GRM7: variants seen among roughly 807,000 people sequenced by gnomAD.
GRM7 encodes glutamate metabotropic receptor 7.
A neutral mutation model predicts 84.5 loss-of-function variants in GRM7; 35 were observed. The observed-to-expected ratio is 0.41, with a 90% confidence interval of 0.32 to 0.55. The LOEUF is 0.55. Ranked by LOEUF, GRM7 falls within the 20% of genes least tolerant of loss-of-function variation. GRM7 has a pLI of 0.19. For synonymous variants in GRM7, 487 were observed against 455.1 expected (o/e 1.07, Z -0.89); for missense variants, 1,003 against 1,194.6 (o/e 0.84, Z 2.36).
intron 9 of GRM7, among the ~76,000 whole-genome samples, chr3:7,719,169 A>G (rs576931335): frequency 6.6e-6 from 1 of 152,284 alleles, no homozygotes; most frequent in South Asian, 2.1e-4. Flanking sequence ...TTTTCTCCCT[A>G]GTAACACAAC....
intron 4 of GRM7, among the ~76,000 whole-genome samples, chr3:7,346,270 A>G (rs921113176): frequency 6.6e-6 from 1 of 152,132 alleles, no homozygotes; most frequent in Non-Finnish European, 1.5e-5. Flanking sequence ...CAGCTCACCA[A>G]TTTGATGTGT....
At chr3:7,092,268 C>G (rs917513330) in intron 1 of GRM7, among the ~76,000 whole-genome samples, 1 of 152,154 alleles carries the variant, frequency 6.6e-6, no homozygotes, top group African/African-American at 2.4e-5. Context: ...GATTAGCTAT[C>G]TTCATGACAG....
chr3:7,311,905 C>G (rs1277647128), intron 4 of GRM7, among the ~76,000 whole-genome samples: 2 of 152,162 alleles, frequency 1.3e-5, no homozygotes, highest in African/African-American at 4.8e-5. Flanking sequence ...TCAACACATT[C>G]TTCTTTCACC....
At chr3:6,950,676 G>T (rs544192775) in intron 1 of GRM7, among the ~76,000 whole-genome samples, 2 of 152,322 alleles carry the variant, frequency 1.3e-5, no homozygotes, top group South Asian at 4.1e-4. Context: ...GAGGCAGGCA[G>T]GCCTCCTTGA....
chr3:7,657,115 G>A (rs1005242733), intron 8 of GRM7, among the ~76,000 whole-genome samples: 10 of 152,110 alleles, frequency 6.6e-5, no homozygotes, highest in South Asian at 2.1e-4. Context: ...CCACAATCCC[G>A]ATGTTCTTCA....
intron 2 of GRM7, among the ~76,000 whole-genome samples, chr3:7,257,884 A>G (rs1698266925): frequency 6.6e-6 from 1 of 152,138 alleles, no homozygotes; most frequent in African/African-American, 2.4e-5. Context: ...TTATAGGAAC[A>G]TGGGTGATTA....
intron 2 of GRM7, among the ~76,000 whole-genome samples, chr3:7,241,057 C>T (rs1425417692): frequency 1.3e-5 from 2 of 152,130 alleles, no homozygotes; most frequent in Non-Finnish European, 2.9e-5. Flanking sequence ...CCTCATGGTA[C>T]AGCACTCAGA....
At chr3:7,678,203 C>A (rs1218156147) in intron 8 of GRM7, among the ~76,000 whole-genome samples, 1 of 152,054 alleles carries the variant, frequency 6.6e-6, no homozygotes, top group Non-Finnish European at 1.5e-5. Context: ...TGCACATGTA[C>A]CCCTGAATCT....
chr3:7,319,844 T>C (rs1417521963), intron 4 of GRM7, among the ~76,000 whole-genome samples: 1 of 152,024 alleles, frequency 6.6e-6, no homozygotes. Flanking sequence ...TTGTTAAACT[T>C]TTTCTTGAAG....
At chr3:6,986,293 T>C (rs756233705) in intron 1 of GRM7, among the ~76,000 whole-genome samples, 2 of 152,196 alleles carry the variant, frequency 1.3e-5, no homozygotes, top group Admixed American at 1.3e-4. Context: ...ACCTTTATTA[T>C]GGTGATGGTA....
intron 9 of GRM7, among the ~76,000 whole-genome samples, chr3:7,721,537 A>G (rs146182868): frequency 0.013 from 1,932 of 152,330 alleles, 46 homozygotes; most frequent in African/African-American, 0.044. Flanking sequence ...TCAATTCTTC[A>G]CTGCAAAATT....
At chr3:7,332,208 T>C (rs138802698) in intron 4 of GRM7, among the ~76,000 whole-genome samples, 137 of 152,256 alleles carry the variant, frequency 9.0e-4, no homozygotes, top group African/African-American at 3.3e-3. Flanking sequence ...TGCACAAATG[T>C]TTGGAACTTA....
intron 7 of GRM7, among the ~76,000 whole-genome samples, chr3:7,550,161 T>A (rs1297973988): frequency 2.0e-5 from 3 of 152,036 alleles, no homozygotes; most frequent in African/African-American, 7.2e-5. Flanking sequence ...AGCTTTTCCA[T>A]TTTTTAAGAA....
rs185217028 is a variant in GRM7, at chr3:7,367,648, T to C, written c.1034-47375T>C. On this transcript the variant is annotated intron_variant, in intron 4 of 9. Transcript: ENST00000357716. ...TAATATCTGACCCTCCAAAAAATAA[T>C]TCTTCCAATATCTTATTAAGAAACT... Among the ~76,000 whole-genome samples the C allele has an allele frequency of 1.2e-3, 184 of 151,970 alleles. 1 individual carries two copies. Among genetic ancestry groups the C allele is most frequent in the African/African-American group, 4.2e-3 (176 of 41,488 alleles).
chr3:7,620,955 C>T (rs375204151), intron 8 of GRM7, among the ~76,000 whole-genome samples: 80 of 151,912 alleles, frequency 5.3e-4, no homozygotes, highest in African/African-American at 1.7e-3. Flanking sequence ...GGGAGAAAAG[C>T]CTGCCATAGA....
chr3:7,461,208 A>G (rs766125914), intron 6 of GRM7, among the ~76,000 whole-genome samples: 5 of 152,204 alleles, frequency 3.3e-5, no homozygotes, highest in Non-Finnish European at 5.9e-5. Flanking sequence ...TTAGTGTTAG[A>G]TGGAAACTAA....
chr3:6,989,866 A>T (rs1694567493), intron 1 of GRM7, among the ~76,000 whole-genome samples: 1 of 152,224 alleles, frequency 6.6e-6, no homozygotes, highest in Non-Finnish European at 1.5e-5. Flanking sequence ...CGAGTGAAAG[A>T]GGCAGCAGCC....
At chr3:7,466,595 A>G (rs1374276186) in intron 7 of GRM7, among the ~76,000 whole-genome samples, 2 of 152,238 alleles carry the variant, frequency 1.3e-5, no homozygotes, top group South Asian at 4.1e-4. Flanking sequence ...AATGTTAAAA[A>G]TGTTAATTTT....
chr3:7,518,441 G>T (rs1700472182), intron 7 of GRM7, among the ~76,000 whole-genome samples: 1 of 152,162 alleles, frequency 6.6e-6, no homozygotes, highest in Admixed American at 6.5e-5. Context: ...TTAAACAAGA[G>T]TATAAGAAGG....
Sources: gnomAD v4.1 joint callset for allele counts (sites outside exome capture counted in the v4.1 genomes callset) on GRCh38, gnomAD v4.1.1 for gene constraint, MANE v1.5 for transcripts, NCBI Gene and HGNC (gene_info 2026-07-23, HGNC 2026-07-21) for gene names.